The following CREM variants were observed in gnomAD, a reference collection of about 807,000 sequenced individuals.
CREM encodes cAMP responsive element modulator.
In CREM, 13 loss-of-function variants were observed where a neutral mutation model predicts 37.3. The ratio of observed to expected loss-of-function variants is 0.35; its 90% CI spans 0.23 to 0.55. CREM has a LOEUF of 0.55. Among genes scored for constraint, CREM ranks in the 20% least tolerant of loss-of-function variants. The pLI, the probability that CREM is intolerant of heterozygous loss-of-function variation, is 0.88. For missense variants in CREM, 296 were observed against 362.3 expected (o/e 0.82, Z 1.49); for synonymous variants, 124 against 120.2 (o/e 1.03, Z -0.21).
chr10:35,189,334 G>A (rs567384850), intron 6 of CREM, among the ~76,000 whole-genome samples: 2 of 151,924 alleles, frequency 1.3e-5, no homozygotes, highest in Non-Finnish European at 2.9e-5. Context: ...CTGGATTTGC[G>A]TTATACATTA....
intron 3 of CREM, among the ~76,000 whole-genome samples, chr10:35,154,871 CCAACTTTTTT>C (rs1172987920): frequency 1.3e-5 from 2 of 152,080 alleles, no homozygotes; most frequent in African/African-American, 2.4e-5. Flanking sequence ...ATATTAGTAA[CCAACTTTTTT>C]CAACTTCAAC....
At chr10:35,187,243 T>C (rs1590187738) in intron 5 of CREM, among the ~76,000 whole-genome samples, 1 of 111,240 alleles carries the variant, frequency 9.0e-6, no homozygotes, top group Admixed American at 1.4e-4. Context: ...TATAATTATA[T>C]ATAACATATA....
At chr10:35,190,898 A>T (rs1369066879) in intron 6 of CREM, among the ~76,000 whole-genome samples, 3 of 151,900 alleles carry the variant, frequency 2.0e-5, no homozygotes, top group Non-Finnish European at 2.9e-5. Context: ...TCCTGACCTC[A>T]TGATCCGCCC....
chr10:35,202,187 C>A (rs77098080), intron 6 of CREM, among the ~76,000 whole-genome samples: 7 of 152,158 alleles, frequency 4.6e-5, no homozygotes, highest in African/African-American at 1.4e-4. Flanking sequence ...TAGACACTTT[C>A]AGTAGTTAAA....
At chr10:35,176,512 A>T (rs1681108869) in intron 3 of CREM, among the ~76,000 whole-genome samples, 1 of 148,058 alleles carries the variant, frequency 6.8e-6, no homozygotes. Flanking sequence ...GGTTCACGCC[A>T]TTCTCCTGCC....
At chr10:35,139,601 T>C (rs1039308109) in intron 2 of CREM, among the ~76,000 whole-genome samples, 2 of 152,168 alleles carry the variant, frequency 1.3e-5, no homozygotes, top group African/African-American at 4.8e-5. Flanking sequence ...GGTTCTTTTC[T>C]CTCTAAAAAG....
At chr10:35,170,874 C>T (rs1589843407) in intron 3 of CREM, among the ~76,000 whole-genome samples, 1 of 152,140 alleles carries the variant, frequency 6.6e-6, no homozygotes. Flanking sequence ...TTTGGCCTAA[C>T]CAGTGAGAAT....
Position 35,192,678 on chromosome 10 carries a change from C to G in CREM, c.598+4290C>G, listed in dbSNP as rs1415487207. Among the ~76,000 whole-genome samples the G allele has an allele frequency of 2.6e-5, 4 of 151,934 alleles. No individual in the cohort carries two copies. In the East Asian group the frequency reaches 5.8e-4, roughly 22 times the overall value. On this transcript the variant is annotated intron_variant, in intron 6 of 7. Coordinates refer to ENST00000685392, the MANE Select transcript of CREM (RefSeq NM_183011.2). Reference sequence around the variant, plus strand: ...GGGTCTTTTTAATAAGGGCACTAATCCTGTTCACAAGGGTGTCACCCTCAT... The same window carrying G: ...GGGTCTTTTTAATAAGGGCACTAATGCTGTTCACAAGGGTGTCACCCTCAT...
At chr10:35,175,351 C>T (rs2094004759) in intron 3 of CREM, among the ~76,000 whole-genome samples, 1 of 152,036 alleles carries the variant, frequency 6.6e-6, no homozygotes. Context: ...GAGGCTGAGG[C>T]AGGAGAATGG....
chr10:35,208,999 A>G (rs1048415372), intron 7 of CREM, among the ~76,000 whole-genome samples: 2 of 152,178 alleles, frequency 1.3e-5, no homozygotes, highest in Non-Finnish European at 1.5e-5. Flanking sequence ...TGCCCAGTTT[A>G]CAGATGAGGA....
chr10:35,140,127 T>C (rs2091221330), intron 2 of CREM, among the ~76,000 whole-genome samples: 1 of 152,178 alleles, frequency 6.6e-6, no homozygotes, highest in East Asian at 1.9e-4. Flanking sequence ...TGACCTTTTT[T>C]GTAGATGATT....
chr10:35,157,635 CAAAA>C (rs71523362), intron 3 of CREM, among the ~76,000 whole-genome samples: 6 of 87,132 alleles, frequency 6.9e-5, no homozygotes, highest in Admixed American at 1.3e-4. Flanking sequence ...GACCCTGTCT[CAAAA>C]AAAAAAAAAA....
intron 6 of CREM, among the ~76,000 whole-genome samples, chr10:35,191,557 C>T (rs1289912665): frequency 6.6e-6 from 1 of 152,166 alleles, no homozygotes; most frequent in Non-Finnish European, 1.5e-5. Context: ...CTCCCTTCAT[C>T]TCACTGAAGG....
chr10:35,195,382 A>G (rs1051050031), intron 6 of CREM, among the ~76,000 whole-genome samples: 1 of 152,246 alleles, frequency 6.6e-6, no homozygotes, highest in Non-Finnish European at 1.5e-5. Context: ...TTGTTAGGGC[A>G]TCTTAGTGTG....
chr10:35,193,052 C>G (rs897975755), intron 6 of CREM, among the ~76,000 whole-genome samples: 1 of 152,196 alleles, frequency 6.6e-6, no homozygotes, highest in Non-Finnish European at 1.5e-5. Flanking sequence ...CCGAGGAAGC[C>G]TTGCCCATCC....
At chr10:35,134,920 C>T (rs970035293) in intron 1 of CREM, among the ~76,000 whole-genome samples, 3 of 151,978 alleles carry the variant, frequency 2.0e-5, no homozygotes, top group Admixed American at 2.0e-4. Context: ...CGCCTGTAAT[C>T]CCAGCTACTC....
chr10:35,137,251 G>A (rs2135589820), intron 1 of CREM, among the ~76,000 whole-genome samples: 1 of 152,274 alleles, frequency 6.6e-6, no homozygotes, highest in African/African-American at 2.4e-5. Flanking sequence ...TGGATTGAAG[G>A]CTATCAGAAG....
intron 1 of CREM, among the ~76,000 whole-genome samples, chr10:35,129,004 C>T (rs1327945525): frequency 2.0e-5 from 3 of 152,138 alleles, no homozygotes; most frequent in African/African-American, 4.8e-5. Context: ...TGTATTGATC[C>T]CAACACAGCT....
At chr10:35,137,465 G>T (rs867232256) in intron 1 of CREM, among the ~76,000 whole-genome samples, 1 of 152,082 alleles carries the variant, frequency 6.6e-6, no homozygotes, top group African/African-American at 2.4e-5. Flanking sequence ...GATTTAGATA[G>T]CACTGCTTTC....
Sources: allele counts gnomAD v4.1 joint callset (sites outside exome capture counted in the v4.1 genomes callset), GRCh38; gene constraint gnomAD v4.1.1; transcripts MANE v1.5; gene names NCBI Gene and HGNC (gene_info 2026-07-23, HGNC 2026-07-21).